The following MRTFA variants were observed in gnomAD, a reference collection of about 807,000 sequenced individuals.
MRTFA encodes myocardin-related transcription factor A.
In MRTFA, 20 loss-of-function variants were observed where a neutral mutation model predicts 83.5. The ratio of observed to expected loss-of-function variants is 0.24; its 90% CI spans 0.17 to 0.35. MRTFA has a LOEUF of 0.35. Ranked by LOEUF, MRTFA falls within the 10% of genes least tolerant of loss-of-function variation. The pLI, the probability that MRTFA is intolerant of heterozygous loss-of-function variation, is 1.00. For missense variants in MRTFA, 1,200 were observed against 1,224.7 expected (o/e 0.98, Z 0.30); for synonymous variants, 659 against 541.2 (o/e 1.22, Z -3.02).
intron 3 of MRTFA, among the ~76,000 whole-genome samples, chr22:40,503,217 A>G (rs1387212421): frequency 6.6e-6 from 1 of 152,214 alleles, no homozygotes; most frequent in East Asian, 1.9e-4. Flanking sequence ...CTTCACCACA[A>G]CTGTGTGATC....
intron 2 of MRTFA, among the ~76,000 whole-genome samples, chr22:40,568,459 A>G (rs185569503): frequency 6.6e-6 from 1 of 152,346 alleles, no homozygotes; most frequent in East Asian, 1.9e-4. Flanking sequence ...AAATAAAAAC[A>G]GCTCCTTAGT....
rs12160026 is a variant in MRTFA at position 40,511,217 on chromosome 22, G to T, written c.241+40889C>A. Reference sequence around the variant, plus strand: ...AGGGCAGAGAGACAAAATATAAGAAGTCAAGGTAGAGGTAAAATCTAGAGA... The same window carrying T: ...AGGGCAGAGAGACAAAATATAAGAATTCAAGGTAGAGGTAAAATCTAGAGA... On this transcript the variant is annotated intron_variant, in intron 3 of 14. Transcript: ENST00000355630. Among the ~76,000 whole-genome samples, 1,123 of 152,126 alleles carry T rather than the reference G, an allele frequency of 7.4e-3. 24 individuals carry two copies. In the Middle Eastern group the frequency reaches 0.075, roughly 10 times the overall value.
At chr22:40,462,695 G>A (rs916239467) in intron 4 of MRTFA, among the ~76,000 whole-genome samples, 6 of 152,172 alleles carry the variant, frequency 3.9e-5, no homozygotes, top group Admixed American at 1.3e-4. Context: ...GCCCGGTGCC[G>A]TGATAGCGCC....
chr22:40,473,447 C>T (rs2053946969), intron 3 of MRTFA, among the ~76,000 whole-genome samples: 1 of 152,206 alleles, frequency 6.6e-6, no homozygotes, highest in Non-Finnish European at 1.5e-5. Context: ...GTGTGAGCCA[C>T]TGTACCCAGC....
rs1319009953 is a variant in MRTFA at position 40,411,497 on chromosome 22, C to T, written c.2989G>A (p.Gly997Ser). 7.4e-6 allele frequency: 12 copies of T among 1,610,834 alleles called. No individual in the cohort carries two copies. The highest frequency in any genetic ancestry group is 1.0e-5 in the Non-Finnish European group (12 of 1,177,614). The change falls in exon 15 of 15, where the codon GGT becomes AGT. Residue 997 changes from glycine to serine, a missense_variant. Coordinates refer to ENST00000355630, the MANE Select transcript of MRTFA (RefSeq NM_020831.6). ...AGGGGGGCTAGGCTCAGCACGGGAC[C>T]ACCTGACGACAGCTCCAGCCAGTCC...
At chr22:40,429,919 G>A in intron 6 of MRTFA, 152 bp from the exon 7 acceptor site, 6 of 794,834 alleles carry the variant, frequency 7.5e-6, no homozygotes, top group African/African-American at 1.7e-5. Flanking sequence ...GGCCTGTCTT[G>A]AAGTTTCACA....
At chr22:40,499,913 CCTTTTTT>C (rs2054427887) in intron 3 of MRTFA, among the ~76,000 whole-genome samples, 1 of 127,532 alleles carries the variant, frequency 7.8e-6, no homozygotes, top group South Asian at 2.4e-4. Flanking sequence ...TTCAAGTAGA[CCTTTTTT>C]TTTTTTTTTT....
intron 1 of MRTFA, among the ~76,000 whole-genome samples, chr22:40,595,863 CTTTTTTTT>C (rs35215701): frequency 2.6e-5 from 2 of 78,108 alleles, no homozygotes; most frequent in Admixed American, 1.7e-4. Context: ...TATCTAAAGT[CTTTTTTTT>C]TTTTTTTTTT....
chr22:40,571,485 AAAAAG>A (rs1342697146), intron 2 of MRTFA, among the ~76,000 whole-genome samples: 6 of 152,158 alleles, frequency 3.9e-5, no homozygotes, highest in African/African-American at 1.4e-4. Flanking sequence ...TCAAGAGGTG[AAAAAG>A]AAAACTCACA....
intron 3 of MRTFA, among the ~76,000 whole-genome samples, chr22:40,503,087 C>T (rs949792643): frequency 6.6e-6 from 1 of 152,112 alleles, no homozygotes; most frequent in African/African-American, 2.4e-5. Context: ...CTCTATTCTG[C>T]TTAAAGGCCT....
At chr22:40,432,175 G>A (rs539495328) in intron 5 of MRTFA, among the ~76,000 whole-genome samples, 3 of 152,260 alleles carry the variant, frequency 2.0e-5, no homozygotes, top group Admixed American at 1.3e-4. Flanking sequence ...GAACTCGTGA[G>A]GTGGAGGCTG....
At chr22:40,591,405 G>C (rs146619265) in intron 2 of MRTFA, among the ~76,000 whole-genome samples, 20 of 152,228 alleles carry the variant, frequency 1.3e-4, no homozygotes, top group African/African-American at 4.1e-4. Context: ...CAAAAGAGTG[G>C]TATGTTTGAC....
chr22:40,477,861 AG>A (rs2054024237), intron 3 of MRTFA, among the ~76,000 whole-genome samples: 1 of 152,102 alleles, frequency 6.6e-6, no homozygotes, highest in South Asian at 2.1e-4. Context: ...ACAAAAAGAA[AG>A]GGAACTATTT....
intron 3 of MRTFA, among the ~76,000 whole-genome samples, chr22:40,465,656 G>T (rs899014437): frequency 6.6e-6 from 1 of 152,068 alleles, no homozygotes; most frequent in Non-Finnish European, 1.5e-5. Context: ...GACGTCCCTG[G>T]CTCAACAGAT....
In MRTFA at chr22:40,600,359, A is replaced by G. The variant is rs987972884; in HGVS notation, c.-83-5624T>C. Among the ~76,000 whole-genome samples, 5 of 152,196 alleles carry G rather than the reference A, an allele frequency of 3.3e-5. No homozygotes were observed. In the East Asian group the frequency reaches 9.6e-4, roughly 29 times the overall value. On this transcript the variant is annotated intron_variant, in intron 1 of 14. Transcript: ENST00000355630. ...CTAGGCATATCCATAACCTCCTACA[A>G]GAAGCAATACACTCTGCTGCCTTTC... is the stretch of plus-strand genomic sequence containing the variant.
chr22:40,508,703 CT>C lies in MRTFA; in HGVS notation c.241+43402del, dbSNP rs66987842. ...CCATTGTAACTGTGGTTTGAGGGTACTTTTTTTTTTGCAAAGTAAGAGTCTG... is the reference window on the plus strand; with the variant it reads ...CCATTGTAACTGTGGTTTGAGGGTACTTTTTTTTTGCAAAGTAAGAGTCTG... On this transcript the variant is annotated intron_variant, in intron 3 of 14. Transcript: ENST00000355630. Among the ~76,000 whole-genome samples, 17,821 of 147,128 alleles carry C rather than the reference CT, an allele frequency of 0.12. 1,214 individuals carry two copies. The highest frequency in any genetic ancestry group is 0.25 in the East Asian group (1,249 of 5,074).
chr22:40,597,938 T>C, intron 1 of MRTFA, among the ~76,000 whole-genome samples: 1 of 152,226 alleles, frequency 6.6e-6, no homozygotes, highest in East Asian at 1.9e-4. Context: ...GGTTTGAACA[T>C]GCCAAGTTTA....
chr22:40,560,026 G>C (rs2055590699), intron 2 of MRTFA, among the ~76,000 whole-genome samples: 2 of 151,972 alleles, frequency 1.3e-5, no homozygotes, highest in Non-Finnish European at 2.9e-5. Context: ...AAATTATATA[G>C]TGCTATTTGT....
Position 40,552,120 on chromosome 22 carries a change from C to CT in MRTFA, c.226dup (p.Ser76LysfsTer2). ...TATCTACTCACCATTCTTCCGCTCA[C>CT]TAAGTGGAGGCAAATTGGGATTCCT... On this transcript the variant is annotated frameshift_variant, in exon 3 of 15. Coordinates refer to ENST00000355630, the MANE Select transcript of MRTFA (RefSeq NM_020831.6). LOFTEE classifies it high-confidence loss of function. 1 of 398,932 alleles carries CT rather than the reference C, an allele frequency of 2.5e-6. No homozygotes were observed. The allele number at this position is 398,932 out of a possible 1,614,324, so 24.7% of individuals were successfully genotyped here.
Sources: allele counts gnomAD v4.1 joint callset (sites outside exome capture counted in the v4.1 genomes callset), GRCh38; gene constraint gnomAD v4.1.1; transcripts MANE v1.5; gene names NCBI Gene and HGNC (gene_info 2026-07-23, HGNC 2026-07-21).